The following ARHGEF11 variants were observed in gnomAD, a reference collection of about 807,000 sequenced individuals.
ARHGEF11 encodes the protein Rho guanine exchange factor (GEF) 11.
Under a neutral mutation model 193.7 loss-of-function variants are expected in ARHGEF11, and 55 were observed. The observed-to-expected ratio is 0.28, with a 90% CI of 0.23 to 0.36. The LOEUF (loss-of-function observed/expected upper bound fraction) is 0.36, where lower values mean the gene tolerates loss of function less well. Ranked by LOEUF, ARHGEF11 falls within the 10% of genes least tolerant of loss-of-function variation. The pLI is 1.00. For synonymous variants in ARHGEF11, 693 were observed against 768.0 expected, an observed-to-expected ratio of 0.90 and a Z score of 1.62; for missense variants, 1,723 against 2,005.6, an observed-to-expected ratio of 0.86 and a Z score of 2.69.
At chr1:156,977,180 T>TCA in intron 6 of ARHGEF11, 126 bp from the exon 7 acceptor site, 1 of 812,726 alleles carries the variant, frequency 1.2e-6, no homozygotes, top group South Asian at 1.5e-5. Flanking sequence ...GTATGTTTTA[T>TCA]TCAGTACCTT....
intron 11 of ARHGEF11, 81 bp from the exon 12 acceptor site, chr1:156,963,675 T>A: frequency 6.4e-7 from 1 of 1,569,116 alleles, no homozygotes; most frequent in Non-Finnish European, 8.6e-7. Flanking sequence ...TTTGTTTAGT[T>A]GCAGCACAGC....
intron 1 of ARHGEF11, among the ~76,000 whole-genome samples, chr1:157,038,385 G>A (rs1312950180): frequency 6.6e-6 from 1 of 152,172 alleles, no homozygotes. Context: ...TTTAAAATGA[G>A]GAGGAAAATC....
intron 1 of ARHGEF11, among the ~76,000 whole-genome samples, chr1:156,993,083 G>C (rs1665996393): frequency 6.6e-6 from 1 of 152,190 alleles, no homozygotes; most frequent in Non-Finnish European, 1.5e-5. Flanking sequence ...CTAAGCACTT[G>C]ATATAACCTT....
chr1:157,007,051 CT>C (rs1489530234), intron 1 of ARHGEF11, among the ~76,000 whole-genome samples: 17 of 152,132 alleles, frequency 1.1e-4, no homozygotes, highest in Non-Finnish European at 2.1e-4. Context: ...ACATGACTGA[CT>C]GGGTAAATGA....
intron 1 of ARHGEF11, among the ~76,000 whole-genome samples, chr1:157,025,208 G>A (rs1255889849): frequency 1.3e-5 from 2 of 152,172 alleles, no homozygotes; most frequent in African/African-American, 4.8e-5. Flanking sequence ...GTGGGCTGTG[G>A]TGCCTTTACT....
intron 5 of ARHGEF11, 128 bp from the exon 6 acceptor site, chr1:156,978,510 C>G (rs1175798764): frequency 1.1e-5 from 15 of 1,378,080 alleles, no homozygotes; most frequent in Non-Finnish European, 1.3e-5. Flanking sequence ...AAGTTCTCCT[C>G]ACTTTTAATG....
intron 1 of ARHGEF11, among the ~76,000 whole-genome samples, chr1:157,028,549 GA>G (rs1446210355): frequency 6.6e-6 from 1 of 152,054 alleles, no homozygotes; most frequent in African/African-American, 2.4e-5. Flanking sequence ...AATTACCAAA[GA>G]TCAAATAATA....
intron 17 of ARHGEF11, among the ~76,000 whole-genome samples, chr1:156,958,315 G>A (rs1374997827): frequency 6.6e-6 from 1 of 152,234 alleles, no homozygotes. Flanking sequence ...GTTTTCTGAT[G>A]TGGATTAGTA....
At position 156,936,806 on chromosome 1, in the gene ARHGEF11, C is replaced by T; in HGVS notation, c.4630+10G>A. ...ATGGTAGGAACCGAGAGGGACCTGGCTTCACTCACCATCCTCAGGGCAGGG... is the reference window on the plus strand; with the variant it reads ...ATGGTAGGAACCGAGAGGGACCTGGTTTCACTCACCATCCTCAGGGCAGGG... On this transcript the variant is annotated intron_variant, in intron 40 of 40. Coordinates refer to ENST00000368194, the MANE Select transcript of ARHGEF11 (RefSeq NM_198236.3). 6.2e-7 allele frequency: 1 copy of T among 1,610,618 alleles called. No homozygotes were observed. Among genetic ancestry groups the T allele is most frequent in the Non-Finnish European group, 8.5e-7 (1 of 1,177,754 alleles).
chr1:156,946,527 T>G, intron 28 of ARHGEF11, 135 bp downstream of exon 28: 1 of 1,282,314 alleles, frequency 7.8e-7, no homozygotes, highest in Non-Finnish European at 1.1e-6. Flanking sequence ...AGTCAGTGCT[T>G]TTGAGGAGCG....
At position 156,969,298 on chromosome 1, in the gene ARHGEF11, A is replaced by G. The variant is rs1301101702; in HGVS notation, c.809T>C (p.Phe270Ser). 1 of 1,604,924 alleles carries G rather than the reference A, an allele frequency of 6.2e-7. No individual in the cohort carries two copies. Among genetic ancestry groups the G allele is most frequent in the Non-Finnish European group, 8.5e-7 (1 of 1,175,760 alleles). Residue 270 changes from phenylalanine (F) to serine (S), a missense_variant, in exon 10 of 41, where the codon TTT becomes TCT. This residue lies in a region of ARHGEF11 where 646 missense variants were observed against 710.7 expected (regional missense o/e 0.91). Transcript: ENST00000368194. ...DSGLDSGTER[F>S]PSLSESLMNR... The stretch of plus-strand genomic sequence containing the variant: ...GGGACTCACCTCACTGAGGGAAGGA[A>G]AGCGTTCTGTCCCAGAGTCCAAGCC...
At chr1:157,013,910 T>C (rs528003430) in intron 1 of ARHGEF11, among the ~76,000 whole-genome samples, 1 of 152,216 alleles carries the variant, frequency 6.6e-6, no homozygotes, top group Non-Finnish European at 1.5e-5. Flanking sequence ...GATTCCTTTG[T>C]ATCCCCAGTC....
intron 40 of ARHGEF11, chr1:156,936,268 GC>G: frequency 1.3e-6 from 1 of 745,398 alleles, no homozygotes; most frequent in East Asian, 2.6e-5. Flanking sequence ...GTAGGTATGT[GC>G]CTTGTCTTCC....
chr1:156,939,866 G>C lies in ARHGEF11; in HGVS notation c.3778C>G (p.His1260Asp). The C allele has an allele frequency of 6.2e-7, 1 of 1,610,464 alleles. No individual in the cohort carries two copies. The highest frequency in any genetic ancestry group is 8.5e-7 in the Non-Finnish European group (1 of 1,179,884). Residue 1260 changes from histidine (H) to aspartate (D), a missense_variant, in exon 37 of 41, where the codon CAC (histidine) becomes GAC (aspartate). By Grantham distance (81) the His-to-Asp change is moderately conservative. This residue lies in a region of ARHGEF11 where 203 missense variants were observed against 237.3 expected (regional missense o/e 0.86). Transcript: ENST00000368194. ...HLILWSLLPG[H>D]TMETQAAQEP... The stretch of plus-strand genomic sequence containing the variant: ...TGGGCAGCCTGAGTTTCCATGGTGT[G>C]ACCTGGCAGCAGGCTCCACAGGATC...
intron 40 of ARHGEF11, among the ~76,000 whole-genome samples, chr1:156,936,497 A>AAAAAAAAAAAAAAAAAAATAT (rs370282821): frequency 2.9e-5 from 1 of 33,918 alleles, no homozygotes; most frequent in African/African-American, 1.5e-4. Context: ...AAAAAAAAAA[A>AAAAAAAAAAAAAAAAAAATAT]ATATATATAT....
intron 3 of ARHGEF11, among the ~76,000 whole-genome samples, chr1:156,982,411 C>CT: frequency 6.6e-6 from 1 of 152,176 alleles, no homozygotes; most frequent in Non-Finnish European, 1.5e-5. Flanking sequence ...ACAGACTATA[C>CT]TTTGACAGTG....
chr1:156,991,551 C>T (rs1262733446), intron 1 of ARHGEF11, among the ~76,000 whole-genome samples: 1 of 152,004 alleles, frequency 6.6e-6, no homozygotes, highest in Admixed American at 6.6e-5. Context: ...AACTCCTGGG[C>T]TCAAGTGATC....
At chr1:156,986,199 T>G in intron 1 of ARHGEF11, 26 bp from the exon 2 acceptor site, 1 of 1,582,500 alleles carries the variant, frequency 6.3e-7, no homozygotes, top group Non-Finnish European at 8.7e-7. Context: ...GGAAAGCATG[T>G]CAATGAGCTC....
At chr1:157,043,498 C>G (rs822571) in intron 1 of ARHGEF11, among the ~76,000 whole-genome samples, 150,137 of 152,288 alleles carry the variant, frequency 0.99, 74,051 homozygotes, top group Middle Eastern at 1. Context: ...ACTCTTGGGG[C>G]AAGGGGTGTC....
Sources: gnomAD v4.1 joint callset for allele counts (sites outside exome capture counted in the v4.1 genomes callset) on GRCh38, gnomAD v4.1.1 for gene constraint, gnomAD v4.1.1 regional missense constraint, MANE v1.5 for transcripts, NCBI Gene and HGNC (gene_info 2026-07-23, HGNC 2026-07-21) for gene names.